The following PRKDC variants were observed in gnomAD, a reference collection of about 807,000 sequenced individuals.
The protein encoded by PRKDC is DNA-dependent protein kinase catalytic subunit.
PRKDC carries 82 observed loss-of-function variants against 486.9 expected under a neutral mutation model. That is an observed-to-expected ratio of 0.17 (90% CI 0.14 to 0.20). The LOEUF is 0.20. Ranked by LOEUF, PRKDC falls within the 10% of genes least tolerant of loss-of-function variation. The pLI is 1.00. For synonymous variants in PRKDC, 1,895 were observed against 1,837.0 expected, an observed-to-expected ratio of 1.03 and a Z score of -0.81; for missense variants, 4,504 against 5,038.2, an observed-to-expected ratio of 0.89 and a Z score of 3.21.
rs1346292005 is a variant in PRKDC, at chr8:47,890,263, T to C, written c.4065A>G (p.Gly1355=). Residue 1355 remains glycine (G), a synonymous_variant, in exon 32 of 86, where the codon GGA becomes GGG. Transcript: ENST00000314191. ...TTTLLNTSPE[G]WKLLKKDLCN... ...AATTAACAGAGCAGCCTACCTTCCA[T>C]CCTTCCGGGGAGGTGTTTAGCAGAG... 3 of 1,609,050 alleles carry C rather than the reference T, an allele frequency of 1.9e-6. No homozygotes were observed. In the South Asian group the frequency reaches 3.3e-5, roughly 18 times the overall value.
Position 47,887,767 on chromosome 8 carries a change from C to T in PRKDC, c.4414-62G>A, listed in dbSNP as rs1220468568. 5 of 1,485,884 alleles carry T rather than the reference C, an allele frequency of 3.4e-6. No homozygotes were observed. The East Asian group carries it at 1.2e-4, about 36-fold the overall frequency. The allele number at this position is 1,485,884 out of a possible 1,614,324, so 92.0% of individuals were successfully genotyped here. A position where few individuals can be genotyped will look rare whatever the true frequency, so the allele number is the denominator to read the frequency against. ...GATATTTCTTAGAAAAAAACAACTT[C>T]ACTCCTCTCATTAAATAAAAAACCC... On this transcript the variant is annotated intron_variant, in intron 34 of 85. Coordinates refer to ENST00000314191, the MANE Select transcript of PRKDC (RefSeq NM_006904.7).
intron 21 of PRKDC, among the ~76,000 whole-genome samples, chr8:47,923,066 C>CTT (rs879732716): frequency 3.5e-5 from 5 of 141,088 alleles, no homozygotes; most frequent in Non-Finnish European, 6.3e-5. Context: ...AGAAGTCATT[C>CTT]TTTTTTTTTT....
At chr8:47,845,646 G>A (rs1439586354) in intron 54 of PRKDC, among the ~76,000 whole-genome samples, 2 of 148,034 alleles carry the variant, frequency 1.4e-5, no homozygotes, top group African/African-American at 5.0e-5. Flanking sequence ...GACCAATCAG[G>A]AGCTCCTAAA....
In PRKDC at chr8:47,789,186, A is replaced by G; in HGVS notation, c.10723T>C (p.Leu3575=). Residue 3575 remains leucine (L), a synonymous_variant, in exon 75 of 86, where the codon TTA becomes CTA. Transcript: ENST00000314191. Reference sequence around the variant, plus strand: ...AGTTCAGGATTAGAGAGCTGATCTAAGGCATTAATAAAATCTTGAATCACT... The same window carrying G: ...AGTTCAGGATTAGAGAGCTGATCTAGGGCATTAATAAAATCTTGAATCACT... ...GGVIQDFINA[L]DQLSNPELLF... is the part of the protein sequence containing the mutation. 1.2e-6 allele frequency: 2 copies of G among 1,609,912 alleles called. No homozygotes were observed. Among genetic ancestry groups the G allele is most frequent in the Non-Finnish European group, 1.7e-6 (2 of 1,178,232 alleles).
At chr8:47,794,251 AG>A (rs1364397133) in intron 74 of PRKDC, 38 bp downstream of exon 74, 1 of 1,510,728 alleles carries the variant, frequency 6.6e-7, no homozygotes, top group Non-Finnish European at 9.1e-7. Flanking sequence ...TATAACCTAT[AG>A]TATTTGATCA....
chr8:47,936,410 A>C lies in PRKDC; in HGVS notation c.1221T>G (p.Val407=). ...ACTGGAGGAAGCTTGGCATCTGATA[A>C]ACACGGTCGTCACCAGTGTCTGTCT... The part of the protein sequence containing the change: ...LTQTDTGDDR[V]YQMPSFLQSV... Residue 407 remains valine, a synonymous_variant, in exon 12 of 86, where the codon GTT becomes GTG. Transcript: ENST00000314191. 6.2e-7 allele frequency: 1 copy of C among 1,614,012 alleles called. No individual in the cohort carries two copies. Among genetic ancestry groups the C allele is most frequent in the Non-Finnish European group, 8.5e-7 (1 of 1,179,886 alleles).
chr8:47,869,414 C>T (rs574080855), intron 40 of PRKDC, among the ~76,000 whole-genome samples: 1 of 151,790 alleles, frequency 6.6e-6, no homozygotes. Context: ...TTTAGACACA[C>T]TCTGGGCCAG....
Position 47,858,589 on chromosome 8 carries a change from C to A in PRKDC, c.6392G>T (p.Gly2131Val). 1.3e-6 allele frequency: 2 copies of A among 1,557,458 alleles called. No homozygotes were observed. The highest frequency in any genetic ancestry group is 1.2e-5 in the South Asian group (1 of 82,064). Residue 2131 changes from glycine to valine, a missense_variant, in exon 48 of 86, where the codon GGC (glycine) becomes GTC (valine). Gly to Val is a moderately radical substitution (Grantham distance 109). This residue lies in a region of PRKDC where 1,592 missense variants were observed against 1,724.6 expected (regional missense o/e 0.92). Coordinates refer to ENST00000314191, the MANE Select transcript of PRKDC (RefSeq NM_006904.7). ...TGGTACTATTGGATTTCCCAGTTTG[C>A]CATGGAGGAATTTCATCCAAGAAGG... is the stretch of plus-strand genomic sequence containing the variant. ...DLPSWMKFLH[G>V]KLGNPIVPLN...
At chr8:47,783,458 CG>C (rs1351235068) in intron 78 of PRKDC, among the ~76,000 whole-genome samples, 1 of 151,654 alleles carries the variant, frequency 6.6e-6, no homozygotes, top group Non-Finnish European at 1.5e-5. Flanking sequence ...GGCGTGATGG[CG>C]TGCGCCTGTA....
intron 62 of PRKDC, among the ~76,000 whole-genome samples, chr8:47,827,553 G>A (rs2087764902): frequency 6.6e-6 from 1 of 152,146 alleles, no homozygotes; most frequent in African/African-American, 2.4e-5. Flanking sequence ...GGACTTCTCT[G>A]ACCACTGCAT....
In PRKDC at chr8:47,830,615, G is replaced by A. The variant is rs1350233051; in HGVS notation, c.8387C>T (p.Ala2796Val). Reference protein sequence around the residue: ...KHSSLITPLQAVAQRDPIIAK... With the variant: ...KHSSLITPLQVVAQRDPIIAK... ...GCGGCAAAAACTGACCTGGGCCACG[G>A]CCTGTAACGGGGTGATGAGGCTGCT... Residue 2796 changes from alanine (A) to valine (V), a missense_variant, in exon 61 of 86, where the codon GCC (alanine) becomes GTC (valine). Around this residue, in one of 6 missense-constraint regions of PRKDC, gnomAD observed 1,592 missense variants for 1,724.6 expected, o/e 0.92. Coordinates refer to ENST00000314191, the MANE Select transcript of PRKDC (RefSeq NM_006904.7). The A allele has an allele frequency of 6.2e-7, 1 of 1,613,764 alleles. No individual in the cohort carries two copies. The highest frequency in any genetic ancestry group is 8.5e-7 in the Non-Finnish European group (1 of 1,179,746).
intron 29 of PRKDC, 44 bp downstream of exon 29, chr8:47,898,426 T>C (rs376180557): frequency 6.9e-7 from 1 of 1,455,568 alleles, no homozygotes; most frequent in Middle Eastern, 1.7e-4. Context: ...GTGAATTAGT[T>C]TTATGTTGTG....
intron 25 of PRKDC, among the ~76,000 whole-genome samples, chr8:47,910,255 C>T (rs538990308): frequency 6.6e-6 from 1 of 152,152 alleles, no homozygotes; most frequent in Non-Finnish European, 1.5e-5. Context: ...GGCTATCAAT[C>T]CCCCTGGTCA....
chr8:47,779,617 G>T (rs375471819), intron 80 of PRKDC, among the ~76,000 whole-genome samples: 1 of 152,132 alleles, frequency 6.6e-6, no homozygotes, highest in East Asian at 1.9e-4. Flanking sequence ...TGAGATGGGA[G>T]TCTAGCTCTG....
chr8:47,901,736 G>C (rs992048860), intron 27 of PRKDC, among the ~76,000 whole-genome samples: 2 of 152,060 alleles, frequency 1.3e-5, no homozygotes, highest in Non-Finnish European at 2.9e-5. Flanking sequence ...CATAGACACA[G>C]GTCTGGCACA....
At chr8:47,805,006 C>G (rs1031448479) in intron 69 of PRKDC, 1 of 152,162 alleles carries the variant, frequency 6.6e-6, no homozygotes, top group African/African-American at 2.4e-5. Flanking sequence ...AGGTGATCCA[C>G]CTGTCTCGGC....
chr8:47,831,617 C>A lies in PRKDC; in HGVS notation c.8265+197G>T, dbSNP rs8178182. 3.7e-4 allele frequency among the ~76,000 whole-genome samples: 56 copies of A among 152,190 alleles called. No individual in the cohort carries two copies. The East Asian group carries it at 8.0e-3, about 22-fold the overall frequency. On this transcript the variant is annotated intron_variant, in intron 60 of 85. Coordinates refer to ENST00000314191, the MANE Select transcript of PRKDC (RefSeq NM_006904.7). ...TTCCACCCGCGGAGAGAACTGGGCG[C>A]ACTCCTGGACCCCCACCAGAGCGCC...
intron 48 of PRKDC, among the ~76,000 whole-genome samples, chr8:47,857,948 C>G (rs2088582490): frequency 6.6e-6 from 1 of 152,142 alleles, no homozygotes; most frequent in South Asian, 2.1e-4. Context: ...TGGCTCTGGT[C>G]CAGACCACAC....
At chr8:47,907,189 C>T (rs926400210) in intron 25 of PRKDC, among the ~76,000 whole-genome samples, 3 of 151,036 alleles carry the variant, frequency 2.0e-5, no homozygotes, top group Admixed American at 6.9e-5. Flanking sequence ...TACAGGCACC[C>T]GCCACCACGC....
Sources: allele counts gnomAD v4.1 joint callset (sites outside exome capture counted in the v4.1 genomes callset), GRCh38; gene constraint gnomAD v4.1.1; regional missense constraint gnomAD v4.1.1; transcripts MANE v1.5; gene names NCBI Gene and HGNC (gene_info 2026-07-23, HGNC 2026-07-21).